MGMT: variants seen among roughly 807,000 people sequenced by gnomAD.
MGMT encodes methylated-DNA--protein-cysteine methyltransferase.
MGMT carries 14 observed loss-of-function variants against 15.9 expected under a neutral mutation model. The ratio of observed to expected loss-of-function variants is 0.88; its 90% CI spans 0.58 to 1.37. The LOEUF is 1.37. Ranked by LOEUF, MGMT falls within the 40% of genes most tolerant of loss-of-function variation. The pLI, the probability that MGMT is intolerant of heterozygous loss-of-function variation, is 0.00. For synonymous variants in MGMT, 130 were observed against 118.2 expected (o/e 1.10, Z -0.65); for missense variants, 282 against 268.1 (o/e 1.05, Z -0.36).
At chr10:129,557,064 C>T (rs1195149566) in intron 2 of MGMT, among the ~76,000 whole-genome samples, 3 of 152,190 alleles carry the variant, frequency 2.0e-5, no homozygotes, top group Non-Finnish European at 4.4e-5. Context: ...TTCATTAATT[C>T]GTGGTCCCTG....
chr10:129,762,703 AAAT>A (rs1848888859), intron 4 of MGMT, among the ~76,000 whole-genome samples: 1 of 152,164 alleles, frequency 6.6e-6, no homozygotes, highest in Non-Finnish European at 1.5e-5. Flanking sequence ...TTTTCTGAAC[AAAT>A]GCATTCCTGA....
At chr10:129,708,871 G>T (rs1484813170) in intron 3 of MGMT, among the ~76,000 whole-genome samples, 1 of 152,196 alleles carries the variant, frequency 6.6e-6, no homozygotes, top group Non-Finnish European at 1.5e-5. Flanking sequence ...GATCAGATTT[G>T]CTGGGTAAGC....
intron 2 of MGMT, among the ~76,000 whole-genome samples, chr10:129,639,806 C>T (rs1247751108): frequency 6.6e-6 from 1 of 151,560 alleles, no homozygotes; most frequent in East Asian, 1.9e-4. Context: ...CCAAGACAAA[C>T]AGAAGGAAGG....
intron 2 of MGMT, among the ~76,000 whole-genome samples, chr10:129,698,639 A>C (rs533109163): frequency 6.6e-6 from 1 of 152,330 alleles, no homozygotes; most frequent in Non-Finnish European, 1.5e-5. Flanking sequence ...ACATAAGGCT[A>C]TTTGAACTCT....
intron 3 of MGMT, among the ~76,000 whole-genome samples, chr10:129,748,803 T>C (rs547984127): frequency 2.2e-4 from 33 of 152,336 alleles, no homozygotes; most frequent in African/African-American, 7.7e-4. Flanking sequence ...TCCTTACTTA[T>C]CTGTAAAATC....
chr10:129,682,557 C>T (rs1170920202), intron 2 of MGMT, among the ~76,000 whole-genome samples: 1 of 151,826 alleles, frequency 6.6e-6, no homozygotes, highest in Non-Finnish European at 1.5e-5. Flanking sequence ...GGGTTTTGTG[C>T]ATGTAAATCT....
At chr10:129,626,519 C>G (rs1056563302) in intron 2 of MGMT, among the ~76,000 whole-genome samples, 3 of 152,176 alleles carry the variant, frequency 2.0e-5, no homozygotes, top group Admixed American at 6.5e-5. Flanking sequence ...GCGGCATGTT[C>G]TGCCTGCTGC....
At chr10:129,538,638 T>C (rs1463643319) in intron 2 of MGMT, among the ~76,000 whole-genome samples, 1 of 152,178 alleles carries the variant, frequency 6.6e-6, no homozygotes, top group Non-Finnish European at 1.5e-5. Context: ...TGCCCATTTT[T>C]TTTTTTTATT....
At chr10:129,477,476 G>A (rs986562189) in intron 1 of MGMT, among the ~76,000 whole-genome samples, 8 of 152,164 alleles carry the variant, frequency 5.3e-5, no homozygotes, top group African/African-American at 1.9e-4. Context: ...TTGGAGACAG[G>A]GCCTTTAGGA....
intron 2 of MGMT, among the ~76,000 whole-genome samples, chr10:129,538,689 G>A (rs948694978): frequency 1.2e-4 from 19 of 152,046 alleles, no homozygotes; most frequent in Middle Eastern, 6.8e-3. Flanking sequence ...AGGCTGGAGT[G>A]CAGTGGTGCA....
chr10:129,571,642 G>A (rs1003187941), intron 2 of MGMT, among the ~76,000 whole-genome samples: 3 of 152,160 alleles, frequency 2.0e-5, no homozygotes, highest in Non-Finnish European at 2.9e-5. Flanking sequence ...CGATCAATTT[G>A]TCTGTCAACC....
intron 2 of MGMT, among the ~76,000 whole-genome samples, chr10:129,692,076 AG>A (rs1355710019): frequency 2.6e-5 from 4 of 152,234 alleles, no homozygotes; most frequent in African/African-American, 9.6e-5. Context: ...GTGGGTGCTC[AG>A]GGGATGGCAG....
chr10:129,604,736 CACCCCCT>C (rs1846867648), intron 2 of MGMT, among the ~76,000 whole-genome samples: 1 of 111,288 alleles, frequency 9.0e-6, no homozygotes, highest in Non-Finnish European at 2.0e-5. Flanking sequence ...CTCGCCGCCC[CACCCCCT>C]CCCCCCGGCT....
At chr10:129,528,423 G>A (rs546853462) in intron 1 of MGMT, among the ~76,000 whole-genome samples, 22 of 150,798 alleles carry the variant, frequency 1.5e-4, no homozygotes, top group Non-Finnish European at 2.4e-4. Context: ...GTTGTGAGTG[G>A]GATGACAGTG....
At chr10:129,549,997 C>T (rs1169835836) in intron 2 of MGMT, among the ~76,000 whole-genome samples, 1 of 151,964 alleles carries the variant, frequency 6.6e-6, no homozygotes, top group Non-Finnish European at 1.5e-5. Flanking sequence ...TGGTTGGTTA[C>T]CCACTCAGGA....
At chr10:129,576,224 C>G (rs1175860039) in intron 2 of MGMT, among the ~76,000 whole-genome samples, 1 of 152,132 alleles carries the variant, frequency 6.6e-6, no homozygotes, top group Non-Finnish European at 1.5e-5. Context: ...CTGGTAGAGA[C>G]ACAACCAAAA....
intron 3 of MGMT, among the ~76,000 whole-genome samples, chr10:129,757,462 C>T (rs987422566): frequency 2.6e-5 from 4 of 152,152 alleles, no homozygotes; most frequent in East Asian, 3.9e-4. Context: ...GAACACCTAA[C>T]GGAAAGCACA....
chr10:129,757,419 A>G (rs1324456220), intron 3 of MGMT, among the ~76,000 whole-genome samples: 1 of 152,178 alleles, frequency 6.6e-6, no homozygotes, highest in Non-Finnish European at 1.5e-5. Context: ...TTTCATTCCT[A>G]CAAGTTTAGT....
intron 2 of MGMT, among the ~76,000 whole-genome samples, chr10:129,564,512 TTCCTCCACTTCCTCATTTTCC>T (rs1323780435): frequency 1.9e-4 from 14 of 74,094 alleles, no homozygotes; most frequent in Admixed American, 4.6e-4. Flanking sequence ...CCTCCCCTTC[TTCCTCCACTTCCTCATTTTCC>T]TCCTCCACTT....
Sources: allele counts gnomAD v4.1 joint callset (sites outside exome capture counted in the v4.1 genomes callset), GRCh38; gene constraint gnomAD v4.1.1; transcripts MANE v1.5; gene names NCBI Gene and HGNC (gene_info 2026-07-23, HGNC 2026-07-21).